The following POFUT3 variants were observed in gnomAD, a reference collection of about 807,000 sequenced individuals.
The protein encoded by POFUT3 is GDP-fucose protein O-fucosyltransferase 3.
the POFUT3 span, among the ~76,000 whole-genome samples, chr8:33,462,905 T>C: frequency 0.57 from 86,632 of 150,828 alleles, 25,067 homozygotes; most frequent in Non-Finnish European, 0.59. Context: ...CACTCTAGCG[T>C]AGGCAACAGA....
At chr8:33,379,294 C>T in the POFUT3 span, among the ~76,000 whole-genome samples, 39 of 151,834 alleles carry the variant, frequency 2.6e-4, no homozygotes, top group Admixed American at 3.3e-4. Flanking sequence ...CCCCAACCCA[C>T]GCACATTAAC....
At chr8:33,326,616 T>C in the POFUT3 span, among the ~76,000 whole-genome samples, 1 of 152,134 alleles carries the variant, frequency 6.6e-6, no homozygotes, top group Non-Finnish European at 1.5e-5. Context: ...ACACACACAG[T>C]CAAGGAGTGA....
At chr8:33,381,804 CA>C in the POFUT3 span, among the ~76,000 whole-genome samples, 2 of 152,088 alleles carry the variant, frequency 1.3e-5, no homozygotes, top group Non-Finnish European at 2.9e-5. Flanking sequence ...GAAGCTTTAC[CA>C]AAAGCATCCA....
chr8:33,467,166 G>A, the POFUT3 span, among the ~76,000 whole-genome samples: 2 of 150,826 alleles, frequency 1.3e-5, no homozygotes, highest in African/African-American at 2.4e-5. Flanking sequence ...CCAGCTACTC[G>A]GGAGGCTGAG....
chr8:33,411,188 T>C, the POFUT3 span, among the ~76,000 whole-genome samples: 1 of 151,758 alleles, frequency 6.6e-6, no homozygotes. Context: ...ATGAGAAAAA[T>C]AGCAAATTCA....
chr8:33,372,092 G>A, the POFUT3 span: 1 of 925,402 alleles, frequency 1.1e-6, no homozygotes, highest in Non-Finnish European at 1.3e-6. Flanking sequence ...ACTTGAAACA[G>A]CTTTTATTAC....
the POFUT3 span, among the ~76,000 whole-genome samples, chr8:33,456,431 T>C: frequency 7.9e-5 from 12 of 152,212 alleles, no homozygotes; most frequent in East Asian, 1.9e-3. Context: ...GATCTCAGCC[T>C]ACTGCAGCCT....
chr8:33,314,585 G>A, the POFUT3 span, among the ~76,000 whole-genome samples: 2 of 152,184 alleles, frequency 1.3e-5, no homozygotes, highest in Non-Finnish European at 2.9e-5. Flanking sequence ...GTAAAGCACT[G>A]GATCAGTAAC....
the POFUT3 span, among the ~76,000 whole-genome samples, chr8:33,358,571 T>C: frequency 1.3e-5 from 2 of 152,220 alleles, no homozygotes; most frequent in East Asian, 3.9e-4. Flanking sequence ...AATGTTACTA[T>C]GGTCAGAATG....
the POFUT3 span, among the ~76,000 whole-genome samples, chr8:33,470,327 G>T: frequency 6.6e-6 from 1 of 151,524 alleles, no homozygotes; most frequent in East Asian, 1.9e-4. Context: ...AGGCTGAGCA[G>T]GAGGATCCCT....
chr8:33,331,198 C>T, the POFUT3 span, among the ~76,000 whole-genome samples: 12 of 107,320 alleles, frequency 1.1e-4, no homozygotes, highest in African/African-American at 2.0e-4. Context: ...AAAAATTAAC[C>T]GGGCGCGCGC....
the POFUT3 span, among the ~76,000 whole-genome samples, chr8:33,353,894 G>A: frequency 6.6e-5 from 10 of 152,094 alleles, no homozygotes; most frequent in African/African-American, 2.2e-4. Context: ...CTTTGGCCTC[G>A]GTAAAGAAAC....
the POFUT3 span, among the ~76,000 whole-genome samples, chr8:33,350,892 C>CATTT: frequency 2.6e-5 from 4 of 152,162 alleles, no homozygotes; most frequent in African/African-American, 9.7e-5. Context: ...GGTATAAATA[C>CATTT]ATTTATATAC....
chr8:33,336,265 G>A, the POFUT3 span, among the ~76,000 whole-genome samples: 1 of 152,152 alleles, frequency 6.6e-6, no homozygotes, highest in African/African-American at 2.4e-5. Context: ...AGCTACGAGT[G>A]TGAAATCACT....
chr8:33,318,571 T>C, the POFUT3 span, among the ~76,000 whole-genome samples: 1 of 91,332 alleles, frequency 1.1e-5, no homozygotes, highest in South Asian at 3.0e-4. Context: ...ATATAATATA[T>C]AAATATATTG....
the POFUT3 span, chr8:33,452,216 C>G: frequency 1.3e-5 from 2 of 152,018 alleles, no homozygotes; most frequent in Non-Finnish European, 2.9e-5. Context: ...ATTTCTACTA[C>G]AGATTTCTAA....
chr8:33,454,208 G>T, the POFUT3 span, among the ~76,000 whole-genome samples: 1 of 152,110 alleles, frequency 6.6e-6, no homozygotes, highest in African/African-American at 2.4e-5. Flanking sequence ...GGTCTCACTG[G>T]GCTAAGACCC....
At chr8:33,378,422 C>G in the POFUT3 span, among the ~76,000 whole-genome samples, 6 of 152,230 alleles carry the variant, frequency 3.9e-5, no homozygotes, top group South Asian at 8.3e-4. Flanking sequence ...AGAAGTTACA[C>G]CACTGGGGAG....
the POFUT3 span, among the ~76,000 whole-genome samples, chr8:33,325,648 C>T: frequency 1.3e-5 from 2 of 152,126 alleles, no homozygotes; most frequent in Non-Finnish European, 2.9e-5. Context: ...TATCTAGTAC[C>T]TGTTAGATAC....
Sources: gnomAD v4.1 joint callset for allele counts (sites outside exome capture counted in the v4.1 genomes callset) on GRCh38, gnomAD v4.1.1 for gene constraint, MANE v1.5 for transcripts, NCBI Gene and HGNC (gene_info 2026-07-23, HGNC 2026-07-21) for gene names.